Variants in CES5A observed in about 807,000 individuals in gnomAD.
CES5A encodes the protein carboxylesterase 5.
A neutral mutation model predicts 62.9 loss-of-function variants in CES5A; 67 were observed. The observed-to-expected ratio is 1.07, with a 90% confidence interval of 0.88 to 1.31. The LOEUF is 1.31. CES5A is among the 50% of genes most tolerant of loss of function. CES5A has a pLI of 0.00. For missense variants in CES5A, 748 were observed against 708.5 expected (o/e 1.06, Z -0.63); for synonymous variants, 296 against 280.8 (o/e 1.05, Z -0.54).
At chr16:55,873,772 G>T in intron 2 of CES5A, 61 bp downstream of exon 2, 1 of 1,440,772 alleles carries the variant, frequency 6.9e-7, no homozygotes, top group South Asian at 1.3e-5. Context: ...TGGGCTGCAT[G>T]ACCTGAATTC....
chr16:55,849,178 T>G (rs1231197857), intron 11 of CES5A, among the ~76,000 whole-genome samples: 1 of 152,146 alleles, frequency 6.6e-6, no homozygotes, highest in Non-Finnish European at 1.5e-5. Flanking sequence ...CAAGTAACAT[T>G]TCACAAGCAT....
At chr16:55,951,278 T>A (rs2034554792) in intron 1 of CES5A, among the ~76,000 whole-genome samples, 1 of 151,972 alleles carries the variant, frequency 6.6e-6, no homozygotes, top group African/African-American at 2.4e-5. Flanking sequence ...GTCCTCACAG[T>A]TCTGGAGGCT....
chr16:55,884,120 T>C (rs2033789170), intron 1 of CES5A, among the ~76,000 whole-genome samples: 3 of 152,234 alleles, frequency 2.0e-5, no homozygotes, highest in Admixed American at 2.0e-4. Context: ...TTGCTGCAAT[T>C]GTGCGAAGTC....
In CES5A at chr16:55,846,399, G is replaced by C; in HGVS notation, c.*52C>G. ...AGCTCAGAAAGAAGCTAATGATTGC[G>C]GGAGAAATTATGGGAGGAGAAGGGA... On this transcript the variant is annotated 3_prime_UTR_variant, in exon 13 of 13. Coordinates refer to ENST00000290567, the MANE Select transcript of CES5A (RefSeq NM_001143685.2). 7.2e-7 allele frequency: 1 copy of C among 1,383,104 alleles called. No homozygotes were observed. Among genetic ancestry groups the C allele is most frequent in the Non-Finnish European group, 1.0e-6 (1 of 977,498 alleles). The allele number at this position is 1,383,104 out of a possible 1,614,324, so 85.7% of individuals were successfully genotyped here. A position where few individuals can be genotyped will look rare whatever the true frequency, so the allele number is the denominator to read the frequency against.
upstream of CES5A, among the ~76,000 whole-genome samples, chr16:55,925,848 C>A (rs1384385697): frequency 6.6e-6 from 1 of 152,074 alleles, no homozygotes; most frequent in Non-Finnish European, 1.5e-5. Context: ...AGTAAATAGA[C>A]AACCTACAGA....
chr16:55,880,407 T>C (rs544322705), intron 1 of CES5A, among the ~76,000 whole-genome samples: 1 of 152,262 alleles, frequency 6.6e-6, no homozygotes, highest in Admixed American at 6.5e-5. Context: ...TCCTAGGAAG[T>C]GGGGCTCCCA....
chr16:55,863,440 T>C lies in CES5A; in HGVS notation c.718A>G (p.Met240Val). 2 of 1,583,608 alleles carry C rather than the reference T, an allele frequency of 1.3e-6. No homozygotes were observed. The highest frequency in any genetic ancestry group is 1.1e-5 in the South Asian group (1 of 90,360). Residue 240 changes from methionine to valine, a missense_variant, in exon 6 of 13, where the codon ATG becomes GTG. Coordinates refer to ENST00000290567, the MANE Select transcript of CES5A (RefSeq NM_001143685.2). Reference protein sequence around the residue: ...ISVSSLILSPMAKGLFHKAIM... With the variant: ...ISVSSLILSPVAKGLFHKAIM... Reference sequence around the variant, plus strand: ...GCTTTGTGGAATAAGCCTTTGGCCATGGGAGACAGTATCTGGAGAGAGAAC... The same window carrying C: ...GCTTTGTGGAATAAGCCTTTGGCCACGGGAGACAGTATCTGGAGAGAGAAC...
chr16:55,935,456 C>G, intron 2 of CES5A, among the ~76,000 whole-genome samples: 1 of 152,188 alleles, frequency 6.6e-6, no homozygotes, highest in South Asian at 2.1e-4. Flanking sequence ...TAAAAACAGC[C>G]TCACTGACAC....
intron 1 of CES5A, among the ~76,000 whole-genome samples, chr16:55,885,194 T>A (rs1465909831): frequency 2.0e-5 from 3 of 152,166 alleles, no homozygotes; most frequent in African/African-American, 7.2e-5. Flanking sequence ...TCCTACAGCA[T>A]TCCCCCTAAT....
chr16:55,875,139 G>C lies in CES5A; in HGVS notation c.73+10C>G, dbSNP rs558127087. 108 of 1,613,278 alleles carry C rather than the reference G, an allele frequency of 6.7e-5. 1 individual carries two copies. In the South Asian group the frequency reaches 1.1e-3, roughly 17 times the overall value. ...TTCTGAGAGCCCTCCTTTCCCATTG[G>C]ATATCTCACCTTTGGTGGGGGCTGC... On this transcript the variant is annotated intron_variant, in intron 1 of 12. Transcript: ENST00000290567.
At chr16:55,850,661 T>C (rs1022782873) in intron 10 of CES5A, among the ~76,000 whole-genome samples, 1 of 152,388 alleles carries the variant, frequency 6.6e-6, no homozygotes, top group East Asian at 1.9e-4. Flanking sequence ...CATTTTGACC[T>C]ATAATGAACA....
chr16:55,861,583 A>G, intron 6 of CES5A, 67 bp from the exon 7 acceptor site: 1 of 1,173,760 alleles, frequency 8.5e-7, no homozygotes, highest in East Asian at 2.4e-5. Context: ...GAAAGCTTGA[A>G]AATGCCCTCC....
chr16:55,855,462 T>A (rs1340842141), intron 9 of CES5A, among the ~76,000 whole-genome samples: 1 of 152,212 alleles, frequency 6.6e-6, no homozygotes, highest in Non-Finnish European at 1.5e-5. Context: ...AAATGACTGG[T>A]CTTGCAGAAC....
rs190837932 is a variant in CES5A at position 55,938,803 on chromosome 16, C to T, written c.160+10982G>A. Among the ~76,000 whole-genome samples the T allele has an allele frequency of 0.011, 965 of 86,924 alleles. 40 individuals carry two copies. The East Asian group carries it at 0.12, about 10-fold the overall frequency. 57.0% of individuals were successfully genotyped at this position (86,924 alleles called of 152,430 possible). ...ATATATATATATATATATATACACA[C>T]ATATATATATATACACACACATATA... On this transcript the variant is annotated intron_variant, in intron 2 of 13. Coordinates refer to the CES5A transcript ENST00000521992.
At chr16:55,875,412 T>C (rs1452309036), upstream of CES5A, 47 of 1,336,460 alleles carry the variant, frequency 3.5e-5, no homozygotes, top group Non-Finnish European at 4.5e-5. Flanking sequence ...TTTCCTGTTC[T>C]GATTTACATA....
chr16:55,913,525 A>G (rs1464157100), intron 1 of CES5A, among the ~76,000 whole-genome samples: 6 of 152,204 alleles, frequency 3.9e-5, no homozygotes, highest in Non-Finnish European at 8.8e-5. Flanking sequence ...CTTTTCGGGA[A>G]AGGGCTATTA....
chr16:55,925,998 T>C (rs533667119), upstream of CES5A, among the ~76,000 whole-genome samples: 44 of 151,996 alleles, frequency 2.9e-4, no homozygotes, highest in African/African-American at 8.9e-4. Context: ...TGAAGAGAAG[T>C]TGATTAATAA....
chr16:55,945,158 A>G (rs1169221285), intron 2 of CES5A, among the ~76,000 whole-genome samples: 1 of 152,158 alleles, frequency 6.6e-6, no homozygotes, highest in Non-Finnish European at 1.5e-5. Flanking sequence ...TTTATTGAGC[A>G]CCTATTAGGG....
At chr16:55,952,682 C>T (rs535053815) in intron 1 of CES5A, among the ~76,000 whole-genome samples, 1 of 152,084 alleles carries the variant, frequency 6.6e-6, no homozygotes, top group Admixed American at 6.5e-5. Context: ...AACAATAAAT[C>T]ACAATAAACA....
Sources: allele counts gnomAD v4.1 joint callset (sites outside exome capture counted in the v4.1 genomes callset), GRCh38; gene constraint gnomAD v4.1.1; transcripts MANE v1.5; gene names NCBI Gene and HGNC (gene_info 2026-07-23, HGNC 2026-07-21).